Variants in SCN4B observed in about 807,000 individuals in gnomAD.
SCN4B encodes sodium channel regulatory subunit beta-4.
In SCN4B, 20 loss-of-function variants were observed where a neutral mutation model predicts 19.6. That is an observed-to-expected ratio of 1.02 (90% CI 0.72 to 1.48). The LOEUF is 1.48. Ranked by LOEUF, SCN4B falls within the 40% of genes most tolerant of loss-of-function variation. The pLI is 0.00. For missense variants in SCN4B, 271 were observed against 287.5 expected, an observed-to-expected ratio of 0.94 and a Z score of 0.42; for synonymous variants, 127 against 122.8, an observed-to-expected ratio of 1.03 and a Z score of -0.22.
intron 1 of SCN4B, among the ~76,000 whole-genome samples, chr11:118,149,182 C>G (rs534667680): frequency 6.6e-6 from 1 of 152,340 alleles, no homozygotes; most frequent in African/African-American, 2.4e-5. Flanking sequence ...AATCTTATGG[C>G]AGCTACCATA....
In SCN4B at chr11:118,135,898, G is replaced by A. The variant is rs1422922894; in HGVS notation, c.*1129C>T. 1 of 454,380 alleles carries A rather than the reference G, an allele frequency of 2.2e-6. No individual in the cohort carries two copies. The highest frequency in any genetic ancestry group is 2.3e-5 in the Admixed American group (1 of 42,570). 28.1% of individuals were successfully genotyped at this position (454,380 alleles called of 1,614,324 possible). A position where few individuals can be genotyped will look rare whatever the true frequency, so the allele number is the denominator to read the frequency against. ...CCCAACCCCAGGGTGGGAGGGGGTG[G>A]CCCAGCTGAGCAGGAAGCAGCTGGG... On this transcript the variant is annotated 3_prime_UTR_variant, in exon 5 of 5. Transcript: ENST00000324727.
At position 118,135,750 on chromosome 11, in the gene SCN4B, A is replaced by G. The variant is rs1565452073; in HGVS notation, c.*1277T>C. The G allele has an allele frequency of 6.6e-6, 3 of 454,432 alleles. No individual in the cohort carries two copies. Among genetic ancestry groups the G allele is most frequent in the African/African-American group, 4.0e-5 (2 of 50,084 alleles). The allele number at this position is 454,432 out of a possible 1,614,324, so 28.1% of individuals were successfully genotyped here. A position where few individuals can be genotyped will look rare whatever the true frequency, so the allele number is the denominator to read the frequency against. On this transcript the variant is annotated 3_prime_UTR_variant, in exon 5 of 5. Coordinates refer to ENST00000324727, the MANE Select transcript of SCN4B (RefSeq NM_174934.4). ...TGTTATGTCAGGACATACCGTCTAG[A>G]GAGGATGGGGGTAAGGGCTAGGATT...
intron 4 of SCN4B, among the ~76,000 whole-genome samples, chr11:118,140,992 C>T (rs536108119): frequency 1.3e-5 from 2 of 151,312 alleles, no homozygotes; most frequent in African/African-American, 2.4e-5. Flanking sequence ...ATTCAATGAA[C>T]GTATTCAATA....
chr11:118,141,106 G>A lies in SCN4B; in HGVS notation c.593+101C>T. 3.0e-6 allele frequency: 4 copies of A among 1,323,388 alleles called. No homozygotes were observed. In the South Asian group the frequency reaches 3.5e-5, roughly 12 times the overall value. 82.0% of individuals were successfully genotyped at this position (1,323,388 alleles called of 1,614,324 possible). ...AACAGAGAGCGGTAGGAATGGGAAT[G>A]GGGGGAAGGAGGAGGCAGGTGGAAG... On this transcript the variant is annotated intron_variant, in intron 4 of 4. Coordinates refer to ENST00000324727, the MANE Select transcript of SCN4B (RefSeq NM_174934.4).
rs1208629284 is a variant in SCN4B, at chr11:118,143,924, G to A, written c.372C>T (p.Ser124=). Residue 124 remains serine, a synonymous_variant, in exon 3 of 5, where the codon AGC becomes AGT. Transcript: ENST00000324727. The part of the protein sequence containing the change: ...ISIVLRDLEF[S]DTGKYTCHVK... ...CATGGCAGGTGTATTTGCCCGTGTC[G>A]CTGAACTCCAGGTCCCTCAGCACAA... is the stretch of plus-strand genomic sequence containing the variant. 13 of 1,613,878 alleles carry A rather than the reference G, an allele frequency of 8.1e-6. No individual in the cohort carries two copies. Among genetic ancestry groups the A allele is most frequent in the African/African-American group, 8.0e-5 (6 of 74,882 alleles).
rs766545392 is a variant in SCN4B, at chr11:118,134,020, C to T, written c.*3007G>A. The T allele has an allele frequency of 2.2e-6, 1 of 454,740 alleles. No individual in the cohort carries two copies. Among genetic ancestry groups the T allele is most frequent in the South Asian group, 1.6e-5 (1 of 64,476 alleles). The allele number at this position is 454,740 out of a possible 1,614,324, so 28.2% of individuals were successfully genotyped here. ...CACCCACACTGCCTGCACACGCACA[C>T]TCCACACAAGCACACCCCACCTCCT... On this transcript the variant is annotated 3_prime_UTR_variant, in exon 5 of 5. Coordinates refer to ENST00000324727, the MANE Select transcript of SCN4B (RefSeq NM_174934.4).
rs1253911076 is a variant in SCN4B, at chr11:118,136,012, G to A, written c.*1015C>T. ...AGGGCTGGGAAATGAACCACCCTGG[G>A]GGCAGGGCGTGATGGAGGGCACGGT... On this transcript the variant is annotated 3_prime_UTR_variant, in exon 5 of 5. Transcript: ENST00000324727. The A allele has an allele frequency of 4.5e-6, 2 of 446,042 alleles. No individual in the cohort carries two copies. The highest frequency in any genetic ancestry group is 7.0e-5 in the East Asian group (1 of 14,248). 27.6% of individuals were successfully genotyped at this position (446,042 alleles called of 1,614,324 possible). A position where few individuals can be genotyped will look rare whatever the true frequency, so the allele number is the denominator to read the frequency against.
At chr11:118,137,186 G>C in intron 4 of SCN4B, 66 bp from the exon 5 acceptor site, 1 of 1,221,368 alleles carries the variant, frequency 8.2e-7, no homozygotes, top group East Asian at 2.4e-5. Context: ...AATTGTGGCA[G>C]GAGCCGTGGG....
intron 3 of SCN4B, 133 bp downstream of exon 3, chr11:118,143,700 C>A (rs1948129534): frequency 7.2e-6 from 5 of 693,722 alleles, no homozygotes; most frequent in Admixed American, 2.1e-5. Context: ...AGATGTAACT[C>A]CAGCAGCTCT....
At chr11:118,146,717 C>A (rs1236897333) in intron 1 of SCN4B, among the ~76,000 whole-genome samples, 1 of 152,140 alleles carries the variant, frequency 6.6e-6, no homozygotes, top group Admixed American at 6.5e-5. Flanking sequence ...CGGCCATTGT[C>A]GCTAACAATA....
rs781211273 is a variant in SCN4B, at chr11:118,145,066, T to A, written c.225A>T (p.Ala75=). The A allele has an allele frequency of 2.5e-6, 4 of 1,614,076 alleles. No homozygotes were observed. The South Asian group carries it at 4.4e-5, about 18-fold the overall frequency. The change falls in exon 2 of 5, where the codon GCA becomes GCT. Residue 75 remains alanine (A), a synonymous_variant. Transcript: ENST00000324727. The stretch of plus-strand genomic sequence containing the variant: ...TCCTCCAAATACTTACAATCTTGAA[T>A]GCGTCACTGCTGTTGTAGGTCCACC... ...HFRWTYNSSD[A]FKILIEGTVK... is the part of the protein sequence containing the mutation.
chr11:118,139,442 T>G (rs1048442063), intron 4 of SCN4B, among the ~76,000 whole-genome samples: 1 of 152,230 alleles, frequency 6.6e-6, no homozygotes, highest in African/African-American at 2.4e-5. Flanking sequence ...TGATCCCCTC[T>G]ACCTTGTATT....
rs116888881 is a variant in SCN4B, at chr11:118,141,840, C to T, written c.464-504G>A. 7.4e-3 allele frequency: 1,266 copies of T among 170,350 alleles called. 21 individuals are homozygous for T. Among genetic ancestry groups the T allele is most frequent in the East Asian group, 0.05 (302 of 6,040 alleles). 10.6% of individuals were successfully genotyped at this position (170,350 alleles called of 1,614,324 possible). The stretch of plus-strand genomic sequence containing the variant: ...TGGCAATGTTGGGCAGGTCATTGAA[C>T]CCTCCTAGCCTCAGTTTCTTCATCT... On this transcript the variant is annotated intron_variant, in intron 3 of 4. Transcript: ENST00000324727.
At chr11:118,139,542 G>GCACAGTGCCTTGCA (rs71301656) in intron 4 of SCN4B, among the ~76,000 whole-genome samples, 89,980 of 151,808 alleles carry the variant, frequency 0.59, 26,699 homozygotes, top group South Asian at 0.72. Flanking sequence ...ATAGCATCTG[G>GCACAGTGCCTTGCA]CACAGTGCCT....
chr11:118,144,577 TAG>T (rs1253399916), intron 2 of SCN4B, among the ~76,000 whole-genome samples: 1 of 152,138 alleles, frequency 6.6e-6, no homozygotes, highest in African/African-American at 2.4e-5. Flanking sequence ...CACTAGATTG[TAG>T]AGTGAGTACA....
chr11:118,152,516 C>A, intron 1 of SCN4B, 97 bp downstream of exon 1: 1 of 1,101,214 alleles, frequency 9.1e-7, no homozygotes, highest in African/African-American at 1.5e-5. Context: ...TGCCGCACTC[C>A]AAAGCCCACC....
At chr11:118,145,863 C>A (rs1423239934) in intron 1 of SCN4B, among the ~76,000 whole-genome samples, 3 of 152,164 alleles carry the variant, frequency 2.0e-5, no homozygotes, top group East Asian at 3.9e-4. Flanking sequence ...CTGGGCCAGC[C>A]GAGTCCGACG....
intron 4 of SCN4B, among the ~76,000 whole-genome samples, chr11:118,140,746 C>T (rs745796672): frequency 2.6e-5 from 4 of 152,228 alleles, no homozygotes; most frequent in Admixed American, 1.3e-4. Flanking sequence ...TAAAACATCA[C>T]CTCCATCTGA....
rs1420215412 is a variant in SCN4B at position 118,134,552 on chromosome 11, C to T, written c.*2475G>A. On this transcript the variant is annotated 3_prime_UTR_variant, in exon 5 of 5. Transcript: ENST00000324727. ...CCACGCATGGGGGCAACCAAAAATG[C>T]CCCCCCTACAATCTCAGTCACCTCT... The T allele has an allele frequency of 2.2e-6, 1 of 454,014 alleles. No individual in the cohort carries two copies. Among genetic ancestry groups the T allele is most frequent in the South Asian group, 1.6e-5 (1 of 64,480 alleles). 28.1% of individuals were successfully genotyped at this position (454,014 alleles called of 1,614,324 possible). A position where few individuals can be genotyped will look rare whatever the true frequency, so the allele number is the denominator to read the frequency against.
Sources: allele counts gnomAD v4.1 joint callset (sites outside exome capture counted in the v4.1 genomes callset), GRCh38; gene constraint gnomAD v4.1.1; transcripts MANE v1.5; gene names NCBI Gene and HGNC (gene_info 2026-07-23, HGNC 2026-07-21).